Variants in EIF2AK4 observed in about 807,000 individuals in gnomAD.
EIF2AK4 encodes eukaryotic translation initiation factor 2 alpha kinase 4, also known as eIF-2-alpha kinase GCN2.
A neutral mutation model predicts 211.1 loss-of-function variants in EIF2AK4; 139 were observed. The ratio of observed to expected loss-of-function variants is 0.66; its 90% confidence interval spans 0.57 to 0.76. The LOEUF (loss-of-function observed/expected upper bound fraction) is 0.76, where lower values mean the gene tolerates loss of function less well. EIF2AK4 is among the 30% of genes least tolerant of loss of function. The pLI, the probability that EIF2AK4 is intolerant of heterozygous loss-of-function variation, is 0.00. For synonymous variants in EIF2AK4, 710 were observed against 751.3 expected (o/e 0.94, Z 0.90); for missense variants, 1,664 against 2,043.8 (o/e 0.81, Z 3.58).
chr15:39,955,502 T>G, intron 5 of EIF2AK4, 118 bp from the exon 6 acceptor site: 1 of 1,013,174 alleles, frequency 9.9e-7, no homozygotes, highest in Non-Finnish European at 1.4e-6. Context: ...TCAATTTTAT[T>G]TCACTTGTAA....
chr15:40,026,487 C>A (rs1013064821), intron 33 of EIF2AK4, among the ~76,000 whole-genome samples: 1 of 152,048 alleles, frequency 6.6e-6, no homozygotes, highest in African/African-American at 2.4e-5. Flanking sequence ...TCAATTTGAT[C>A]CTTTTGAGAA....
At chr15:39,965,024 T>A (rs1382389450) in intron 7 of EIF2AK4, among the ~76,000 whole-genome samples, 2 of 152,238 alleles carry the variant, frequency 1.3e-5, no homozygotes, top group African/African-American at 4.8e-5. Flanking sequence ...TTTTAGTTGG[T>A]ATTTAGCTGT....
chr15:39,985,653 C>T lies in EIF2AK4; in HGVS notation c.2320-152C>T. 2.1e-5 allele frequency: 13 copies of T among 627,336 alleles called. No homozygotes were observed. In the South Asian group the frequency reaches 2.6e-4, roughly 12 times the overall value. 38.9% of individuals were successfully genotyped at this position (627,336 alleles called of 1,614,324 possible). A position where few individuals can be genotyped will look rare whatever the true frequency, so the allele number is the denominator to read the frequency against. Reference sequence around the variant, plus strand: ...ATTCACAGCCAAATGCTGTGAGCTTCTAAGGATAGTGGTTATGTTCTGCTC... The same window carrying T: ...ATTCACAGCCAAATGCTGTGAGCTTTTAAGGATAGTGGTTATGTTCTGCTC... On this transcript the variant is annotated intron_variant, in intron 13 of 38. Transcript: ENST00000263791.
rs1295486790 is a variant in EIF2AK4 at position 39,998,033 on chromosome 15, T to C, written c.2869-698T>C. Among the ~76,000 whole-genome samples the C allele has an allele frequency of 2.0e-5, 3 of 152,200 alleles. No individual in the cohort carries two copies. In the East Asian group the frequency reaches 5.8e-4, roughly 29 times the overall value. On this transcript the variant is annotated intron_variant, in intron 19 of 38. Coordinates refer to ENST00000263791, the MANE Select transcript of EIF2AK4 (RefSeq NM_001013703.4). ...TCTGGATAATTTTGAAAACAAATTATTTTACTGTGAGTACAGTGTGGACAG... is the reference window on the plus strand; with the variant it reads ...TCTGGATAATTTTGAAAACAAATTACTTTACTGTGAGTACAGTGTGGACAG...
rs1476384157 is a variant in EIF2AK4, at chr15:40,017,124, G to A, written c.3947G>A (p.Gly1316Asp). Residue 1316 changes from glycine to aspartate, a missense_variant, in exon 29 of 39, where the codon GGC (glycine) becomes GAC (aspartate). Gly to Asp is a moderately conservative substitution (Grantham distance 94, BLOSUM62 -1). This residue lies in a region of EIF2AK4 where 622 missense variants were observed against 796.8 expected (regional missense o/e 0.78). Transcript: ENST00000263791. ...GIKLQVLINL[G>D]LVYKVQQHNG... ...TCTTTATAGGTCTTGATCAATTTGG[G>A]CTTGGTTTACAAGGTGCAGCAGCAC... The A allele has an allele frequency of 1.2e-6, 2 of 1,613,104 alleles. No homozygotes were observed. Among genetic ancestry groups the A allele is most frequent in the Non-Finnish European group, 1.7e-6 (2 of 1,179,182 alleles).
Position 39,990,384 on chromosome 15 carries a change from A to G in EIF2AK4, c.2631+7A>G, listed in dbSNP as rs1357588016. The G allele has an allele frequency of 3.1e-6, 5 of 1,610,114 alleles. No individual in the cohort carries two copies. Among genetic ancestry groups the G allele is most frequent in the Non-Finnish European group, 4.2e-6 (5 of 1,176,752 alleles). ...AGACCATCTAGCCTTTTCTGTAAGT[A>G]TTTTAAAAATTAGACTGTACCTAAA... On this transcript the variant is annotated splice_region_variant and intron_variant, in intron 16 of 38. Coordinates refer to ENST00000263791, the MANE Select transcript of EIF2AK4 (RefSeq NM_001013703.4).
At position 40,025,968 on chromosome 15, in the gene EIF2AK4, C is replaced by A; in HGVS notation, c.4390-9C>A. On this transcript the variant is annotated splice_polypyrimidine_tract_variant and intron_variant, in intron 32 of 38. Coordinates refer to ENST00000263791, the MANE Select transcript of EIF2AK4 (RefSeq NM_001013703.4). ...CTCCAAATGATAGATCCGTTTCATT[C>A]TTTTTAAGGTTAAGTCTTTCGAGAA... is the stretch of plus-strand genomic sequence containing the variant. The A allele has an allele frequency of 6.2e-7, 1 of 1,613,112 alleles. No individual in the cohort carries two copies. Among genetic ancestry groups the A allele is most frequent in the African/African-American group, 1.3e-5 (1 of 75,014 alleles).
chr15:40,027,021 T>A (rs916912709), intron 33 of EIF2AK4, among the ~76,000 whole-genome samples: 6 of 152,162 alleles, frequency 3.9e-5, no homozygotes, highest in African/African-American at 1.4e-4. Flanking sequence ...TTTATGTGAG[T>A]TATATCTATA....
chr15:40,029,600 G>C, intron 34 of EIF2AK4, 136 bp downstream of exon 34: 1 of 864,438 alleles, frequency 1.2e-6, no homozygotes, highest in Non-Finnish European at 1.7e-6. Context: ...GTACCACATG[G>C]GATGCATCCC....
intron 23 of EIF2AK4, among the ~76,000 whole-genome samples, chr15:40,004,245 C>G (rs1429157937): frequency 7.2e-5 from 11 of 152,068 alleles, no homozygotes; most frequent in Admixed American, 2.6e-4. Flanking sequence ...TCCTTAGAAC[C>G]AGCAATCCCA....
Position 39,990,388 on chromosome 15 carries a change from T to G in EIF2AK4, c.2631+11T>G, listed in dbSNP as rs753549643. The G allele has an allele frequency of 1.2e-6, 2 of 1,607,792 alleles. No homozygotes were observed. The highest frequency in any genetic ancestry group is 1.7e-6 in the Non-Finnish European group (2 of 1,174,500). ...CATCTAGCCTTTTCTGTAAGTATTT[T>G]AAAAATTAGACTGTACCTAAAAACA... On this transcript the variant is annotated intron_variant, in intron 16 of 38. Transcript: ENST00000263791.
intron 1 of EIF2AK4, 139 bp downstream of exon 1, chr15:39,934,478 A>G (rs946899298): frequency 2.5e-6 from 3 of 1,214,772 alleles, no homozygotes; most frequent in Non-Finnish European, 3.3e-6. Flanking sequence ...ACCCATGCTC[A>G]CTTTAGTCCT....
chr15:40,032,881 G>A (rs376517719), intron 37 of EIF2AK4, 80 bp downstream of exon 37: 39 of 1,224,062 alleles, frequency 3.2e-5, no homozygotes, highest in South Asian at 2.7e-4. Context: ...TACTGAAGAC[G>A]GCATTCATTA....
intron 6 of EIF2AK4, among the ~76,000 whole-genome samples, chr15:39,956,366 A>G (rs1004389434): frequency 4.6e-5 from 7 of 152,228 alleles, no homozygotes; most frequent in Admixed American, 2.6e-4. Context: ...TTTAACATTT[A>G]TAAACTTAAA....
At chr15:40,024,277 G>C (rs2140947677) in intron 32 of EIF2AK4, among the ~76,000 whole-genome samples, 1 of 149,656 alleles carries the variant, frequency 6.7e-6, no homozygotes, top group East Asian at 1.9e-4. Context: ...TGAACGCCTG[G>C]GCTCAAGCAA....
intron 3 of EIF2AK4, among the ~76,000 whole-genome samples, chr15:39,945,580 C>G (rs1195922747): frequency 6.6e-6 from 1 of 152,206 alleles, no homozygotes; most frequent in Non-Finnish European, 1.5e-5. Context: ...GAGGAAGCTT[C>G]AGCAAGTTAC....
rs200949201 is a variant in EIF2AK4 at position 40,008,053 on chromosome 15, C to T, written c.3434C>T (p.Pro1145Leu). The change falls in exon 25 of 39, where the codon CCG (proline) becomes CTG (leucine). Residue 1145 changes from proline (P) to leucine (L), a missense_variant. Transcript: ENST00000263791. The part of the protein sequence containing the change: ...KRYCIERVFR[P>L]RKLDRFHPKE... ...TACTGCATAGAACGTGTGTTCAGGC[C>T]GCGCAAGTTAGATCGATTTCATCCC... 323 of 1,605,524 alleles carry T rather than the reference C, an allele frequency of 2.0e-4. 1 individual carries two copies. Among genetic ancestry groups the T allele is most frequent in the South Asian group, 5.6e-4 (50 of 89,146 alleles).
intron 7 of EIF2AK4, among the ~76,000 whole-genome samples, chr15:39,962,645 G>A (rs908752512): frequency 1.3e-5 from 2 of 152,114 alleles, no homozygotes; most frequent in African/African-American, 2.4e-5. Context: ...TTTCTTAAGT[G>A]GATATCCATC....
Position 39,976,694 on chromosome 15 carries a change from C to G in EIF2AK4, c.2099C>G (p.Ala700Gly). Residue 700 changes from alanine to glycine, a missense_variant, in exon 12 of 39, where the codon GCG becomes GGG. By Grantham distance (60) the Ala-to-Gly change is moderately conservative. This residue lies in a region of EIF2AK4 where 206 missense variants were observed against 201.9 expected (regional missense o/e 1.02). Transcript: ENST00000263791. The stretch of plus-strand genomic sequence containing the variant: ...GGCCTGGACAGCGTAGAGGCCGCCG[C>G]GCCGCCACCCATCCTCAGCAGCTCG... Reference protein sequence around the residue: ...TDGLDSVEAAAPPPILSSSVE... With the variant: ...TDGLDSVEAAGPPPILSSSVE... The G allele has an allele frequency of 3.1e-6, 5 of 1,600,998 alleles. No homozygotes were observed. Among genetic ancestry groups the G allele is most frequent in the Non-Finnish European group, 4.2e-6 (5 of 1,177,176 alleles).
Sources: gnomAD v4.1 joint callset for allele counts (sites outside exome capture counted in the v4.1 genomes callset) on GRCh38, gnomAD v4.1.1 for gene constraint, gnomAD v4.1.1 regional missense constraint, MANE v1.5 for transcripts, NCBI Gene and HGNC (gene_info 2026-07-23, HGNC 2026-07-21) for gene names.